The following NDST4 variants were observed in gnomAD, a reference collection of about 807,000 sequenced individuals.
NDST4 encodes the protein N-deacetylase and N-sulfotransferase 4.
In NDST4, 63 loss-of-function variants were observed where a neutral mutation model predicts 100.8. That is an observed-to-expected ratio of 0.62 (90% CI 0.51 to 0.77). The LOEUF (loss-of-function observed/expected upper bound fraction) is 0.77. Ranked by LOEUF, NDST4 falls within the 30% of genes least tolerant of loss-of-function variation. NDST4 has a pLI of 0.00. For missense variants in NDST4, 943 were observed against 1,018.4 expected (o/e 0.93, Z 1.01); for synonymous variants, 377 against 361.8 (o/e 1.04, Z -0.48).
At chr4:115,078,701 C>G (rs1024122476) in intron 1 of NDST4, among the ~76,000 whole-genome samples, 2 of 151,924 alleles carry the variant, frequency 1.3e-5, no homozygotes, top group Admixed American at 1.3e-4. Flanking sequence ...AATTAGCAGG[C>G]ATGGTGGTGG....
At chr4:114,985,361 C>CTTCA (rs1726876670) in intron 2 of NDST4, among the ~76,000 whole-genome samples, 1 of 152,194 alleles carries the variant, frequency 6.6e-6, no homozygotes, top group Non-Finnish European at 1.5e-5. Flanking sequence ...TTTTGCCACT[C>CTTCA]TTCATTCATT....
intron 1 of NDST4, among the ~76,000 whole-genome samples, chr4:115,099,594 G>A (rs1729689962): frequency 6.6e-6 from 1 of 152,148 alleles, no homozygotes; most frequent in Non-Finnish European, 1.5e-5. Flanking sequence ...GGGGAGTTGC[G>A]AATTAAAGTA....
intron 4 of NDST4, among the ~76,000 whole-genome samples, chr4:114,937,943 A>T (rs773370136): frequency 1.2e-4 from 18 of 152,098 alleles, no homozygotes; most frequent in Non-Finnish European, 2.4e-4. Context: ...TAATGAAGTG[A>T]TGAGCTTTTA....
intron 6 of NDST4, among the ~76,000 whole-genome samples, chr4:114,874,094 A>G (rs938505808): frequency 6.6e-6 from 1 of 152,102 alleles, no homozygotes; most frequent in African/African-American, 2.4e-5. Flanking sequence ...TCATGCAGAT[A>G]TTATTGAAAA....
chr4:115,088,847 T>C (rs1156619812), intron 1 of NDST4, among the ~76,000 whole-genome samples: 1 of 152,084 alleles, frequency 6.6e-6, no homozygotes, highest in East Asian at 1.9e-4. Flanking sequence ...AAGATTCAGC[T>C]TGGATAAAAC....
At chr4:115,013,094 G>A (rs1183657597) in intron 2 of NDST4, among the ~76,000 whole-genome samples, 1 of 151,094 alleles carries the variant, frequency 6.6e-6, no homozygotes, top group Admixed American at 6.6e-5. Context: ...AAGTGGGGAT[G>A]CTTAATATAT....
chr4:114,987,024 T>A (rs1240932169), intron 2 of NDST4, among the ~76,000 whole-genome samples: 1 of 151,728 alleles, frequency 6.6e-6, no homozygotes, highest in Admixed American at 6.6e-5. Context: ...GGCAAAGTAT[T>A]TAAATATGTC....
At chr4:115,023,110 G>A (rs1727895723) in intron 2 of NDST4, among the ~76,000 whole-genome samples, 1 of 152,032 alleles carries the variant, frequency 6.6e-6, no homozygotes, top group Non-Finnish European at 1.5e-5. Context: ...AGGGGGTGAG[G>A]GCTAAAAGAC....
chr4:114,868,944 T>TTATATA (rs3077771), intron 7 of NDST4, among the ~76,000 whole-genome samples: 1,544 of 143,592 alleles, frequency 0.011, 18 homozygotes, highest in African/African-American at 0.027. Context: ...CACTTGCAAA[T>TTATATA]TATATATATA....
chr4:114,846,270 T>C (rs1367233856), intron 9 of NDST4, among the ~76,000 whole-genome samples: 1 of 152,204 alleles, frequency 6.6e-6, no homozygotes, highest in African/African-American at 2.4e-5. Context: ...TTTGGGCTGA[T>C]GTTCTGTGCT....
intron 9 of NDST4, 41 bp downstream of exon 9, chr4:114,848,174 A>G (rs10022934): frequency 0.13 from 205,977 of 1,536,482 alleles, 17,364 homozygotes; most frequent in African/African-American, 0.38. Flanking sequence ...GTGATTGAGC[A>G]TGTGTTAATA....
intron 6 of NDST4, among the ~76,000 whole-genome samples, chr4:114,908,756 T>G (rs575943391): frequency 1.3e-4 from 20 of 152,326 alleles, no homozygotes; most frequent in Middle Eastern, 3.4e-3. Context: ...CACGGGAGAC[T>G]TTCAAAGCTT....
chr4:114,939,891 A>G (rs1725712305), intron 4 of NDST4, among the ~76,000 whole-genome samples: 1 of 152,156 alleles, frequency 6.6e-6, no homozygotes, highest in African/African-American at 2.4e-5. Context: ...TGACAACACA[A>G]AGTGGGAAGT....
intron 6 of NDST4, among the ~76,000 whole-genome samples, chr4:114,921,603 T>C (rs969672985): frequency 4.6e-5 from 7 of 152,206 alleles, no homozygotes; most frequent in African/African-American, 1.7e-4. Context: ...TCACATCTTA[T>C]ACTGTTTGTG....
chr4:115,093,872 A>G (rs113947142), intron 1 of NDST4, among the ~76,000 whole-genome samples: 2,246 of 152,226 alleles, frequency 0.015, 33 homozygotes, highest in African/African-American at 0.032. Context: ...TTAAAAAGCT[A>G]GAAAAAGCAA....
intron 2 of NDST4, among the ~76,000 whole-genome samples, chr4:114,978,721 T>C (rs1726698582): frequency 6.6e-6 from 1 of 151,986 alleles, no homozygotes; most frequent in South Asian, 2.1e-4. Flanking sequence ...TTTGGCTGTA[T>C]TCCATGCACA....
At chr4:114,964,794 T>G (rs140464028) in intron 4 of NDST4, among the ~76,000 whole-genome samples, 12 of 152,246 alleles carry the variant, frequency 7.9e-5, no homozygotes, top group African/African-American at 2.9e-4. Context: ...ACCATTCCAC[T>G]CTTTGATTCT....
At chr4:114,968,493 A>C (rs1726433655) in intron 4 of NDST4, among the ~76,000 whole-genome samples, 1 of 152,208 alleles carries the variant, frequency 6.6e-6, no homozygotes, top group Non-Finnish European at 1.5e-5. Flanking sequence ...AGGGATGAGC[A>C]AACTTTTTTT....
intron 7 of NDST4, among the ~76,000 whole-genome samples, chr4:114,867,874 T>C (rs2126195747): frequency 6.6e-6 from 1 of 152,160 alleles, no homozygotes; most frequent in African/African-American, 2.4e-5. Flanking sequence ...GTTAATCACC[T>C]GTGAAAGAAT....
Sources: gnomAD v4.1 joint callset for allele counts (sites outside exome capture counted in the v4.1 genomes callset) on GRCh38, gnomAD v4.1.1 for gene constraint, MANE v1.5 for transcripts, NCBI Gene and HGNC (gene_info 2026-07-23, HGNC 2026-07-21) for gene names.